SPTBN4: variants seen among roughly 807,000 people sequenced by gnomAD.
The protein encoded by SPTBN4 is spectrin beta, non-erythrocytic 4.
A neutral mutation model predicts 277.8 loss-of-function variants in SPTBN4; 96 were observed. The ratio of observed to expected loss-of-function variants is 0.35; its 90% CI spans 0.29 to 0.41. SPTBN4 has a LOEUF of 0.41. Ranked by LOEUF, SPTBN4 falls within the 10% of genes least tolerant of loss-of-function variation. SPTBN4 has a pLI of 1.00. For missense variants in SPTBN4, 3,006 were observed against 3,595.7 expected (o/e 0.84, Z 4.19); for synonymous variants, 1,481 against 1,580.3 (o/e 0.94, Z 1.49).
intron 14 of SPTBN4, among the ~76,000 whole-genome samples, chr19:40,514,160 C>T (rs2080427313): frequency 6.6e-6 from 1 of 152,214 alleles, no homozygotes; most frequent in African/African-American, 2.4e-5. Flanking sequence ...ACCACTCTGT[C>T]TGAGCATCTT....
chr19:40,551,683 A>G (rs2080919406), intron 22 of SPTBN4, among the ~76,000 whole-genome samples: 1 of 152,208 alleles, frequency 6.6e-6, no homozygotes, highest in African/African-American at 2.4e-5. Flanking sequence ...AGCAAGACAT[A>G]AAAGAGGAAT....
chr19:40,562,841 A>G (rs909368852), intron 27 of SPTBN4, among the ~76,000 whole-genome samples: 8 of 152,022 alleles, frequency 5.3e-5, no homozygotes, highest in African/African-American at 1.7e-4. Context: ...TCTCAAAAAA[A>G]AAAAAATTAA....
chr19:40,550,093 A>C, intron 21 of SPTBN4, 145 bp from the exon 22 acceptor site: 1 of 631,748 alleles, frequency 1.6e-6, no homozygotes, highest in South Asian at 2.1e-5. Context: ...GAAAAAAAAA[A>C]AACAAAAAAT....
At chr19:40,527,145 C>T (rs2080602216) in intron 17 of SPTBN4, among the ~76,000 whole-genome samples, 1 of 152,172 alleles carries the variant, frequency 6.6e-6, no homozygotes, top group African/African-American at 2.4e-5. Flanking sequence ...CTCTTTGCTT[C>T]CATCTATCCA....
At chr19:40,569,800 C>A in intron 32 of SPTBN4, 74 bp downstream of exon 32, 1 of 1,434,524 alleles carries the variant, frequency 7.0e-7, no homozygotes, top group Non-Finnish European at 9.5e-7. Context: ...TCAGAAACAG[C>A]CAGTGCCTAG....
At chr19:40,506,194 G>A in intron 12 of SPTBN4, 42 bp from the exon 13 acceptor site, 1 of 1,579,246 alleles carries the variant, frequency 6.3e-7, no homozygotes, top group South Asian at 1.2e-5. Context: ...GAGTGGCCCA[G>A]GGCAGTGCCA....
Position 40,568,080 on chromosome 19 carries a change from C to A in SPTBN4, c.6754C>A (p.Gln2252Lys), listed in dbSNP as rs1042559043. The change falls in exon 31 of 36, where the codon CAA becomes AAA. Residue 2252 changes from glutamine to lysine, a missense_variant. Physicochemically the swap from Gln to Lys is moderately conservative, Grantham distance 53 (BLOSUM62 1). Coordinates refer to ENST00000598249, the MANE Select transcript of SPTBN4 (RefSeq NM_020971.3). ...GCCCAGGAGGCGGCGGCCTGAGCGGCAAGAGTCAGTCGATCAATCCGAGGA... is the reference window on the plus strand; with the variant it reads ...GCCCAGGAGGCGGCGGCCTGAGCGGAAAGAGTCAGTCGATCAATCCGAGGA... ...ELPRRRRPER[Q>K]ESVDQSEEAA... 3.8e-6 allele frequency: 6 copies of A among 1,563,598 alleles called. No individual in the cohort carries two copies. In the African/African-American group the frequency reaches 8.1e-5, roughly 21 times the overall value.
intron 20 of SPTBN4, among the ~76,000 whole-genome samples, chr19:40,546,238 A>AC (rs2080858733): frequency 6.6e-6 from 1 of 151,294 alleles, no homozygotes; most frequent in African/African-American, 2.4e-5. Flanking sequence ...AAAAAAAAAA[A>AC]AAAGAAAGAA....
At chr19:40,471,713 C>T (rs763698524) in intron 1 of SPTBN4, among the ~76,000 whole-genome samples, 23 of 152,210 alleles carry the variant, frequency 1.5e-4, no homozygotes, top group South Asian at 4.2e-4. Flanking sequence ...GCTGGGACTA[C>T]GGGTGGCAAC....
intron 20 of SPTBN4, among the ~76,000 whole-genome samples, chr19:40,548,165 C>A (rs770015040): frequency 6.6e-6 from 1 of 152,170 alleles, no homozygotes. Context: ...ACACAGCAGC[C>A]ATCCAAATTA....
At chr19:40,544,385 G>A (rs923060838) in intron 20 of SPTBN4, among the ~76,000 whole-genome samples, 111 of 141,636 alleles carry the variant, frequency 7.8e-4, no homozygotes, top group South Asian at 7.6e-3. Context: ...CTCGTGATCC[G>A]CCCGCCTCAG....
chr19:40,575,932 C>T lies in SPTBN4; in HGVS notation c.*363C>T, dbSNP rs1052670576. 1 of 188,752 alleles carries T rather than the reference C, an allele frequency of 5.3e-6. No individual in the cohort carries two copies. Among genetic ancestry groups the T allele is most frequent in the African/African-American group, 2.4e-5 (1 of 42,130 alleles). The allele number at this position is 188,752 out of a possible 1,614,324, so 11.7% of individuals were successfully genotyped here. A position where few individuals can be genotyped will look rare whatever the true frequency, so the allele number is the denominator to read the frequency against. On this transcript the variant is annotated 3_prime_UTR_variant, in exon 36 of 36. Transcript: ENST00000598249. ...AGCTGGGGTGGTGGGGGCAGTAATT[C>T]CTGCCCCCCTCTCTGCCCTAGGGAT...
chr19:40,498,373 TTTTATTTATTTA>T (rs372763000), intron 7 of SPTBN4, among the ~76,000 whole-genome samples: 5,199 of 141,144 alleles, frequency 0.037, 124 homozygotes, highest in Non-Finnish European at 0.051. Flanking sequence ...TTTTATTTTA[TTTTATTTATTTA>T]TTTATTTATT....
intron 2 of SPTBN4, among the ~76,000 whole-genome samples, chr19:40,487,348 C>CTTT (rs574600197): frequency 2.3e-5 from 3 of 128,368 alleles, no homozygotes; most frequent in African/African-American, 9.1e-5. Context: ...CCGACTCACT[C>CTTT]TTTTTTTTTT....
chr19:40,478,038 C>T (rs1428819457), intron 2 of SPTBN4, among the ~76,000 whole-genome samples: 1 of 152,034 alleles, frequency 6.6e-6, no homozygotes, highest in Non-Finnish European at 1.5e-5. Context: ...GGGGGTTTCA[C>T]CATGTTGGCC....
In SPTBN4 at chr19:40,520,132, T is replaced by C. The variant is rs769246512; in HGVS notation, c.3635T>C (p.Leu1212Pro). ...TTCCTGCGGGATCTACGCCAGGCGCTCGTGGTGCTGCGTAACCAGGTGCCC... is the reference window on the plus strand; with the variant it reads ...TTCCTGCGGGATCTACGCCAGGCGCCCGTGGTGCTGCGTAACCAGGTGCCC... ...QLFLRDLRQA[L>P]VVLRNQEMAL... The change falls in exon 16 of 36, where the codon CTC becomes CCC. Residue 1212 changes from leucine to proline, a missense_variant. Leu to Pro is a moderately conservative substitution (Grantham distance 98). This residue lies in a region of SPTBN4 where 1,759 missense variants were observed against 2,061.5 expected (regional missense o/e 0.85). Coordinates refer to ENST00000598249, the MANE Select transcript of SPTBN4 (RefSeq NM_020971.3). 1.8e-5 allele frequency: 26 copies of C among 1,446,714 alleles called. No individual in the cohort carries two copies. Among genetic ancestry groups the C allele is most frequent in the Non-Finnish European group, 2.4e-5 (26 of 1,100,546 alleles). The allele number at this position is 1,446,714 out of a possible 1,614,324, so 89.6% of individuals were successfully genotyped here. A position where few individuals can be genotyped will look rare whatever the true frequency, so the allele number is the denominator to read the frequency against.
chr19:40,502,054 G>C lies in SPTBN4; in HGVS notation c.897+21G>C, dbSNP rs763429509. On this transcript the variant is annotated intron_variant, in intron 8 of 35. Coordinates refer to ENST00000598249, the MANE Select transcript of SPTBN4 (RefSeq NM_020971.3). The surrounding 1 kb of genome is among the most constrained non-coding windows in gnomAD (Gnocchi z 4.9). ...GGAAGGTATAAGGAGCCAAGGAGTGGGTGAGTGGGAAGCTGGAAGCTGGTG... is the reference window on the plus strand; with the variant it reads ...GGAAGGTATAAGGAGCCAAGGAGTGCGTGAGTGGGAAGCTGGAAGCTGGTG... 3 of 1,613,880 alleles carry C rather than the reference G, an allele frequency of 1.9e-6. No individual in the cohort carries two copies. The highest frequency in any genetic ancestry group is 1.3e-5 in the African/African-American group (1 of 74,932).
intron 24 of SPTBN4, 116 bp from the exon 25 acceptor site, chr19:40,555,968 C>G (rs1407032340): frequency 1.4e-5 from 12 of 856,784 alleles, no homozygotes; most frequent in Non-Finnish European, 1.9e-5. Flanking sequence ...GGGACACAGC[C>G]GTGTCTGAAG....
chr19:40,509,945 A>G (rs2080372732), intron 13 of SPTBN4, among the ~76,000 whole-genome samples: 1 of 151,694 alleles, frequency 6.6e-6, no homozygotes. Flanking sequence ...CCTCTCCTTC[A>G]CCTTAGCTAG....
Sources: gnomAD v4.1 joint callset for allele counts (sites outside exome capture counted in the v4.1 genomes callset) on GRCh38, gnomAD v4.1.1 for gene constraint, gnomAD v4.1.1 regional missense constraint, Gnocchi (gnomAD v3.1) non-coding constraint, MANE v1.5 for transcripts, NCBI Gene and HGNC (gene_info 2026-07-23, HGNC 2026-07-21) for gene names.